SUSD5: variants seen among roughly 807,000 people sequenced by gnomAD.
SUSD5 encodes sushi domain-containing protein 5.
Under a neutral mutation model 29.5 loss-of-function variants are expected in SUSD5, and 33 were observed. The ratio of observed to expected loss-of-function variants is 1.12; its 90% CI spans 0.85 to 1.49. The LOEUF (loss-of-function observed/expected upper bound fraction) is 1.49. Ranked by LOEUF, SUSD5 falls within the 40% of genes most tolerant of loss-of-function variation. The pLI, the probability that SUSD5 is intolerant of heterozygous loss-of-function variation, is 0.00. For synonymous variants in SUSD5, 308 were observed against 325.3 expected, an observed-to-expected ratio of 0.95 and a Z score of 0.57; for missense variants, 776 against 800.6, an observed-to-expected ratio of 0.97 and a Z score of 0.37.
intron 4 of SUSD5, among the ~76,000 whole-genome samples, chr3:33,154,856 C>T (rs2031014467): frequency 6.6e-6 from 1 of 152,116 alleles, no homozygotes; most frequent in Admixed American, 6.5e-5. Context: ...CTGTCCAAAT[C>T]GATCTATACA....
At chr3:33,194,665 GT>G (rs2031961669) in intron 3 of SUSD5, among the ~76,000 whole-genome samples, 1 of 152,100 alleles carries the variant, frequency 6.6e-6, no homozygotes. Context: ...GGTGACAGTA[GT>G]TCCACTTAAC....
chr3:33,190,840 G>A (rs563977871), intron 3 of SUSD5, among the ~76,000 whole-genome samples: 1 of 152,216 alleles, frequency 6.6e-6, no homozygotes, highest in South Asian at 2.1e-4. Context: ...TCACAGCAGA[G>A]GACCTAGACA....
chr3:33,154,560 C>A (rs904126364), intron 4 of SUSD5, among the ~76,000 whole-genome samples: 10 of 148,958 alleles, frequency 6.7e-5, no homozygotes, highest in African/African-American at 2.3e-4. Context: ...ACAACAACAA[C>A]AAAAAACATG....
intron 3 of SUSD5, among the ~76,000 whole-genome samples, chr3:33,180,672 C>T (rs923846275): frequency 6.6e-6 from 1 of 151,658 alleles, no homozygotes; most frequent in African/African-American, 2.4e-5. Flanking sequence ...ACTTTTTATA[C>T]TAAAAATACA....
intron 2 of SUSD5, among the ~76,000 whole-genome samples, chr3:33,213,601 C>T (rs1016098314): frequency 1.3e-5 from 2 of 151,950 alleles, no homozygotes; most frequent in African/African-American, 4.8e-5. Context: ...TGGTGAAACC[C>T]CATCTCTACT....
At chr3:33,218,597 C>G (rs2032467169) in intron 1 of SUSD5, 89 bp downstream of exon 1, 8 of 1,135,464 alleles carry the variant, frequency 7.0e-6, no homozygotes, top group Admixed American at 4.3e-5. Context: ...CTTGCCGGGC[C>G]GGTCAGAGGG....
Position 33,176,453 on chromosome 3 carries a change from A to T in SUSD5, c.410-1379T>A, listed in dbSNP as rs535123607. Reference sequence around the variant, plus strand: ...TTCCAAAATGGCTGTACCATTTTGCATTCCCACCAGCAATGAATGAGTGTT... The same window carrying T: ...TTCCAAAATGGCTGTACCATTTTGCTTTCCCACCAGCAATGAATGAGTGTT... On this transcript the variant is annotated intron_variant, in intron 3 of 4. Transcript: ENST00000309558. Among the ~76,000 whole-genome samples the T allele has an allele frequency of 2.0e-5, 3 of 152,302 alleles. No homozygotes were observed. The East Asian group carries it at 5.8e-4, about 29-fold the overall frequency.
At position 33,153,339 on chromosome 3, in the gene SUSD5, C is replaced by A. The variant is rs376610291; in HGVS notation, c.1293G>T (p.Met431Ile). The change falls in exon 5 of 5, where the codon ATG (methionine) becomes ATT (isoleucine). Residue 431 changes from methionine to isoleucine, a missense_variant. Met to Ile is a conservative substitution (Grantham distance 10, BLOSUM62 1). Coordinates refer to ENST00000309558, the MANE Select transcript of SUSD5 (RefSeq NM_015551.2). ...KSSTLTPSEGMTHSSVLPSQM... is the reference protein window; with the variant it reads ...KSSTLTPSEGITHSSVLPSQM... ...GAGATGGAAGAACTGAACTATGGGT[C>A]ATGCCCTCGCTTGGTGTGAGGGTGC... The A allele has an allele frequency of 6.2e-7, 1 of 1,613,940 alleles. No homozygotes were observed. Among genetic ancestry groups the A allele is most frequent in the South Asian group, 1.1e-5 (1 of 91,060 alleles).
Position 33,175,271 on chromosome 3 carries a change from C to T in SUSD5, c.410-197G>A, listed in dbSNP as rs564107070. 2.6e-5 allele frequency among the ~76,000 whole-genome samples: 4 copies of T among 152,318 alleles called. 1 individual carries two copies. Among genetic ancestry groups the T allele is most frequent in the African/African-American group, 9.6e-5 (4 of 41,566 alleles). On this transcript the variant is annotated intron_variant, in intron 3 of 4. Coordinates refer to ENST00000309558, the MANE Select transcript of SUSD5 (RefSeq NM_015551.2). Reference sequence around the variant, plus strand: ...GGAATAGAAGAGGCACTCAAAAATACTTGTTGCGTGAATAAACGCCACATA... The same window carrying T: ...GGAATAGAAGAGGCACTCAAAAATATTTGTTGCGTGAATAAACGCCACATA...
intron 1 of SUSD5, 34 bp from the exon 2 acceptor site, chr3:33,214,139 T>TCAGGATC: frequency 1.3e-6 from 2 of 1,552,066 alleles, no homozygotes; most frequent in Non-Finnish European, 1.7e-6. Context: ...CATGTGGATT[T>TCAGGATC]CAGGATCCAT....
chr3:33,162,917 CAAAA>C (rs35165045), intron 4 of SUSD5, among the ~76,000 whole-genome samples: 6 of 133,438 alleles, frequency 4.5e-5, no homozygotes, highest in Non-Finnish European at 7.8e-5. Context: ...AACTCCATCT[CAAAA>C]AAAAAAAAAA....
chr3:33,152,490 G>A lies in SUSD5; in HGVS notation c.*252C>T. The A allele has an allele frequency of 2.1e-6, 1 of 468,346 alleles. No individual in the cohort carries two copies. The highest frequency in any genetic ancestry group is 3.7e-6 in the Non-Finnish European group (1 of 267,126). 29.0% of individuals were successfully genotyped at this position (468,346 alleles called of 1,614,324 possible). A position where few individuals can be genotyped will look rare whatever the true frequency, so the allele number is the denominator to read the frequency against. ...ACCTCACACTGGAAACAGGGCCCAA[G>A]CACAGGTCTGGGATTAGTGTAGTCA... On this transcript the variant is annotated 3_prime_UTR_variant, in exon 5 of 5. Transcript: ENST00000309558.
rs141856708 is a variant in SUSD5, at chr3:33,197,559, C to A, written c.409+10249G>T. ...CCAATTGTATAACCACCACCACCAC[C>A]ACAACAATCAAGGTATAGAACAATT... On this transcript the variant is annotated intron_variant, in intron 3 of 4. Coordinates refer to ENST00000309558, the MANE Select transcript of SUSD5 (RefSeq NM_015551.2). 6.0e-5 allele frequency among the ~76,000 whole-genome samples: 9 copies of A among 151,244 alleles called. 1 individual carries two copies. Among genetic ancestry groups the A allele is most frequent in the Admixed American group, 4.6e-4 (7 of 15,212 alleles).
chr3:33,210,905 G>A (rs2032311057), intron 2 of SUSD5, among the ~76,000 whole-genome samples: 1 of 151,944 alleles, frequency 6.6e-6, no homozygotes, highest in South Asian at 2.1e-4. Flanking sequence ...ACAGAGTCTA[G>A]CTCTGTTGCT....
At chr3:33,161,406 CATA>C (rs138961556) in intron 4 of SUSD5, among the ~76,000 whole-genome samples, 395 of 149,848 alleles carry the variant, frequency 2.6e-3, no homozygotes, top group African/African-American at 9.1e-3. Flanking sequence ...AAGGGGTAAA[CATA>C]ATAAGTAAAA....
chr3:33,172,771 G>C (rs1037902906), intron 4 of SUSD5, among the ~76,000 whole-genome samples: 23 of 152,300 alleles, frequency 1.5e-4, no homozygotes, highest in African/African-American at 5.5e-4. Context: ...AATTTGACAG[G>C]GGAATTTTAT....
rs1292508218 is a variant in SUSD5, at chr3:33,152,410, A to ACTC, written c.*329_*331dup. 1.2e-5 allele frequency: 3 copies of ACTC among 241,188 alleles called. No homozygotes were observed. The highest frequency in any genetic ancestry group is 2.4e-5 in the Non-Finnish European group (3 of 125,054). The allele number at this position is 241,188 out of a possible 1,614,324, so 14.9% of individuals were successfully genotyped here. A position where few individuals can be genotyped will look rare whatever the true frequency, so the allele number is the denominator to read the frequency against. ...ACTCCAGCCTGGGCAACAGCATGAG[A>ACTC]CTCTGTCTCAAAAAAAAAAAGATAA... On this transcript the variant is annotated 3_prime_UTR_variant, in exon 5 of 5. Transcript: ENST00000309558.
At chr3:33,170,656 C>T (rs568124160) in intron 4 of SUSD5, among the ~76,000 whole-genome samples, 15 of 152,334 alleles carry the variant, frequency 9.8e-5, no homozygotes, top group African/African-American at 2.6e-4. Context: ...CTACCAGCTG[C>T]GTGGGTCTCT....
intron 3 of SUSD5, among the ~76,000 whole-genome samples, chr3:33,187,314 C>G (rs892772219): frequency 6.6e-6 from 1 of 152,184 alleles, no homozygotes; most frequent in African/African-American, 2.4e-5. Flanking sequence ...ATTTTCAAAA[C>G]GATATGGGCT....
Sources: allele counts gnomAD v4.1 joint callset (sites outside exome capture counted in the v4.1 genomes callset), GRCh38; gene constraint gnomAD v4.1.1; transcripts MANE v1.5; gene names NCBI Gene and HGNC (gene_info 2026-07-23, HGNC 2026-07-21).